Variants in ALG13 observed in about 807,000 individuals in gnomAD.
The protein encoded by ALG13 is ALG13 UDP-N-acetylglucosaminyltransferase subunit.
Under a neutral mutation model 87.8 loss-of-function variants are expected in ALG13, and 11 were observed. The ratio of observed to expected loss-of-function variants is 0.13; its 90% CI spans 0.08 to 0.21. ALG13 has a LOEUF of 0.21. ALG13 is among the 10% of genes least tolerant of loss of function. The pLI, the probability that ALG13 is intolerant of heterozygous loss-of-function variation, is 1.00. For synonymous variants in ALG13, 320 were observed against 306.3 expected (o/e 1.04, Z -0.47); for missense variants, 756 against 866.1 (o/e 0.87, Z 1.60).
At chrX:111,745,365 G>C (rs962229892) in intron 24 of ALG13, among the ~76,000 whole-genome samples, 1 of 111,083 alleles carries the variant, frequency 9.0e-6, no homozygotes, top group Non-Finnish European at 1.9e-5. Context: ...TATCTGCCTT[G>C]AATTTCAGCT....
At chrX:111,726,075 C>T (rs1207130188) in intron 15 of ALG13, among the ~76,000 whole-genome samples, 1 of 111,258 alleles carries the variant, frequency 9.0e-6, no homozygotes, top group East Asian at 2.8e-4. Flanking sequence ...TCCCAAGTAG[C>T]TGGGACTACA....
Position 111,726,994 on chromosome X carries a change from A to G in ALG13, c.1915A>G (p.Asn639Asp), listed in dbSNP as rs919960684. 8.3e-7 allele frequency: 1 copy of G among 1,211,474 alleles called. No individual in the cohort carries two copies. Among genetic ancestry groups the G allele is most frequent in the Non-Finnish European group, 1.1e-6 (1 of 895,189 alleles). ...ACAGACAGCTGGCAATGTTATGTCT[A>G]ATGAACATTTTCATCCTCAGCATCC... is the stretch of plus-strand genomic sequence containing the variant. ...YSQTAGNVMSNEHFHPQHPSP... is the reference protein window; with the variant it reads ...YSQTAGNVMSDEHFHPQHPSP... Residue 639 changes from asparagine (N) to aspartate (D), a missense_variant, in exon 16 of 27, where the codon AAT becomes GAT. Asn to Asp is a conservative substitution (Grantham distance 23). Coordinates refer to ENST00000394780, the MANE Select transcript of ALG13 (RefSeq NM_001099922.3).
At position 111,759,806 on chromosome X, in the gene ALG13, A is replaced by C. The variant is rs372990620; in HGVS notation, c.3221A>C (p.Tyr1074Ser). The change falls in exon 27 of 27, where the codon TAT (tyrosine) becomes TCT (serine). Residue 1074 changes from tyrosine (Y) to serine (S), a missense_variant. Coordinates refer to ENST00000394780, the MANE Select transcript of ALG13 (RefSeq NM_001099922.3). ...TATTATCCAGTAATGTCAGATCCCTATGGGCAGCCACCTTTGCCAGGTTTT... is the reference window on the plus strand; with the variant it reads ...TATTATCCAGTAATGTCAGATCCCTCTGGGCAGCCACCTTTGCCAGGTTTT... Reference protein sequence around the residue: ...AVYYPVMSDPYGQPPLPGFDS... With the variant: ...AVYYPVMSDPSGQPPLPGFDS... The C allele has an allele frequency of 8.3e-7, 1 of 1,210,032 alleles. No homozygotes were observed. Among genetic ancestry groups the C allele is most frequent in the Non-Finnish European group, 1.1e-6 (1 of 894,738 alleles).
At chrX:111,700,042 T>TG (rs1937520576) in intron 3 of ALG13, among the ~76,000 whole-genome samples, 1 of 108,923 alleles carries the variant, frequency 9.2e-6, no homozygotes, top group African/African-American at 3.3e-5. Context: ...TTGTGGGTTT[T>TG]TTTTTTTTTT....
In ALG13 at chrX:111,759,718, A is replaced by G. The variant is rs745472909; in HGVS notation, c.3149-16A>G. On this transcript the variant is annotated splice_polypyrimidine_tract_variant and intron_variant, in intron 26 of 26. Transcript: ENST00000394780. ...TTTTTGTATATAAAGTAGACTGTATACATCCTTTCTTTCAGATACTTTTCC... is the reference window on the plus strand; with the variant it reads ...TTTTTGTATATAAAGTAGACTGTATGCATCCTTTCTTTCAGATACTTTTCC... 1.7e-6 allele frequency: 2 copies of G among 1,187,830 alleles called. No individual in the cohort carries two copies. Among genetic ancestry groups the G allele is most frequent in the East Asian group, 6.0e-5 (2 of 33,241 alleles).
At chrX:111,749,948 G>C (rs992115725) in intron 24 of ALG13, among the ~76,000 whole-genome samples, 7 of 111,130 alleles carry the variant, frequency 6.3e-5, no homozygotes, top group Non-Finnish European at 1.3e-4. Flanking sequence ...CACTGCTCTG[G>C]TACTATTCCA....
intron 3 of ALG13, among the ~76,000 whole-genome samples, chrX:111,686,336 G>A (rs1319647463): frequency 8.9e-6 from 1 of 112,084 alleles, no homozygotes; most frequent in Non-Finnish European, 1.9e-5. Flanking sequence ...GAAACTGGCT[G>A]GAGCATAATT....
intron 26 of ALG13, 56 bp downstream of exon 26, chrX:111,757,818 A>G (rs929670141): frequency 6.5e-6 from 7 of 1,072,390 alleles, no homozygotes; most frequent in Non-Finnish European, 8.9e-6. Context: ...ATTGTGTGTA[A>G]TTCAATAATA....
At chrX:111,727,174 A>G (rs1942158004) in intron 16 of ALG13, 119 bp downstream of exon 16, 1 of 972,273 alleles carries the variant, frequency 1.0e-6, no homozygotes, top group Non-Finnish European at 1.4e-6. Context: ...ACTGTATTTC[A>G]TTAATAATAG....
At position 111,757,720 on chromosome X, in the gene ALG13, G is replaced by A. The variant is rs749775859; in HGVS notation, c.3106G>A (p.Val1036Met). The A allele has an allele frequency of 5.0e-6, 6 of 1,210,615 alleles. No individual in the cohort carries two copies. Among genetic ancestry groups the A allele is most frequent in the Non-Finnish European group, 6.7e-6 (6 of 894,856 alleles). ...AACCGTTCCTCAATGCTACAGTGAG[G>A]TGAGGAGAGAAGATGGCATACAGGC... is the stretch of plus-strand genomic sequence containing the variant. ...DQTVPQCYSE[V>M]RREDGIQAEA... The change falls in exon 26 of 27, where the codon GTG becomes ATG. Residue 1036 changes from valine to methionine, a missense_variant. Val to Met is a conservative substitution (Grantham distance 21). Coordinates refer to ENST00000394780, the MANE Select transcript of ALG13 (RefSeq NM_001099922.3).
chrX:111,745,428 A>G (rs1447693068), intron 24 of ALG13, among the ~76,000 whole-genome samples: 1 of 110,262 alleles, frequency 9.1e-6, no homozygotes, highest in Non-Finnish European at 1.9e-5. Flanking sequence ...GTTCTTTATT[A>G]CTCAGTTTGG....
intron 2 of ALG13, among the ~76,000 whole-genome samples, chrX:111,683,497 AT>A (rs1401957767): frequency 5.0e-4 from 52 of 103,372 alleles, no homozygotes; most frequent in Admixed American, 4.3e-3. Context: ...GCCCCGGCTA[AT>A]TTTTTTTTTC....
chrX:111,693,952 C>T (rs961147607), intron 3 of ALG13, among the ~76,000 whole-genome samples: 2 of 111,709 alleles, frequency 1.8e-5, no homozygotes, highest in Non-Finnish European at 3.8e-5. Context: ...CTATTTTGGT[C>T]TTAATTCCTA....
At chrX:111,737,614 T>C (rs1479699758) in intron 23 of ALG13, among the ~76,000 whole-genome samples, 2 of 111,767 alleles carry the variant, frequency 1.8e-5, no homozygotes, top group Non-Finnish European at 3.8e-5. Context: ...AAACCACTAG[T>C]CACAAGACCT....
At chrX:111,728,412 G>C in intron 19 of ALG13, 107 bp downstream of exon 19, 1 of 889,162 alleles carries the variant, frequency 1.1e-6, no homozygotes, top group Non-Finnish European at 1.5e-6. Context: ...TGTTCCAGTA[G>C]CTTAGTTCTG....
chrX:111,704,002 A>AT (rs1938339861), intron 3 of ALG13, among the ~76,000 whole-genome samples: 1 of 112,251 alleles, frequency 8.9e-6, no homozygotes, highest in Non-Finnish European at 1.9e-5. Context: ...TTCCAGTTCT[A>AT]TATCCTTTTC....
chrX:111,743,554 G>A (rs1192226740), intron 23 of ALG13, among the ~76,000 whole-genome samples: 1 of 111,781 alleles, frequency 8.9e-6, no homozygotes, highest in African/African-American at 3.2e-5. Context: ...TGTTTATCAA[G>A]TTTTACATCA....
At chrX:111,692,438 C>T (rs1441677634) in intron 3 of ALG13, among the ~76,000 whole-genome samples, 1 of 111,752 alleles carries the variant, frequency 8.9e-6, no homozygotes, top group African/African-American at 3.3e-5. Flanking sequence ...TAACCTAGTA[C>T]TCTTTTTTGA....
chrX:111,727,974 G>A (rs1015243575), intron 18 of ALG13, among the ~76,000 whole-genome samples: 1 of 112,257 alleles, frequency 8.9e-6, no homozygotes, highest in Admixed American at 9.5e-5. Context: ...CTTGCCTATA[G>A]AGTATGGGTT....
Sources: allele counts gnomAD v4.1 joint callset (sites outside exome capture counted in the v4.1 genomes callset), GRCh38; gene constraint gnomAD v4.1.1; transcripts MANE v1.5; gene names NCBI Gene and HGNC (gene_info 2026-07-23, HGNC 2026-07-21).